NALF1: variants seen among roughly 807,000 people sequenced by gnomAD.
NALF1 encodes the protein family with sequence similarity 155 member A.
A neutral mutation model predicts 48.4 loss-of-function variants in NALF1; 3 were observed. That is an observed-to-expected ratio of 0.06 (90% CI 0.03 to 0.16). NALF1 has a LOEUF of 0.16. Ranked by LOEUF, NALF1 falls within the 10% of genes least tolerant of loss-of-function variation. The pLI is 1.00. For synonymous variants in NALF1, 262 were observed against 245.7 expected (o/e 1.07, Z -0.62); for missense variants, 526 against 571.5 (o/e 0.92, Z 0.81).
chr13:107,424,970 C>T (rs1056182614), intron 1 of NALF1, among the ~76,000 whole-genome samples: 19 of 152,176 alleles, frequency 1.2e-4, no homozygotes, highest in Non-Finnish European at 2.8e-4. Flanking sequence ...TTTCACTTGT[C>T]AGTCACAAAG....
chr13:107,584,589 C>T (rs1327706758), intron 1 of NALF1, among the ~76,000 whole-genome samples: 1 of 152,198 alleles, frequency 6.6e-6, no homozygotes, highest in Non-Finnish European at 1.5e-5. Flanking sequence ...AGATTATTCT[C>T]ATCCCTTATT....
intron 1 of NALF1, among the ~76,000 whole-genome samples, chr13:107,248,393 A>G (rs570438819): frequency 1.3e-5 from 2 of 152,100 alleles, no homozygotes; most frequent in Non-Finnish European, 2.9e-5. Context: ...TAGTTATCCA[A>G]CTGCTTATGG....
At chr13:107,255,670 A>G (rs1191035241) in intron 1 of NALF1, among the ~76,000 whole-genome samples, 1 of 152,236 alleles carries the variant, frequency 6.6e-6, no homozygotes, top group Non-Finnish European at 1.5e-5. Flanking sequence ...TATACATTAT[A>G]TACAGTATCT....
At position 107,865,800 on chromosome 13, in the gene NALF1, T is replaced by A. The variant is rs1221860728; in HGVS notation, c.797A>T (p.Glu266Val). 6.2e-7 allele frequency: 1 copy of A among 1,614,106 alleles called. No individual in the cohort carries two copies. The highest frequency in any genetic ancestry group is 2.2e-5 in the East Asian group (1 of 44,844). The change falls in exon 1 of 3, where the codon GAG becomes GTG. Residue 266 changes from glutamate (E) to valine (V), a missense_variant. Physicochemically the swap from Glu to Val is moderately radical, Grantham distance 121. Coordinates refer to ENST00000375915, the MANE Select transcript of NALF1 (RefSeq NM_001080396.3). ...ATGGTGGTCATAGTCCTGGTAAGCC[T>A]CGACGCACTGCCTGCAAGTGGTCAT... Reference protein sequence around the residue: ...GEMTTCRQCVEAYQDYDHHAQ... With the variant: ...GEMTTCRQCVVAYQDYDHHAQ...
intron 1 of NALF1, among the ~76,000 whole-genome samples, chr13:107,797,615 G>A (rs1032639162): frequency 1.3e-5 from 2 of 152,042 alleles, no homozygotes. Flanking sequence ...TGGGCACTGG[G>A]GCTTTATCAA....
intron 1 of NALF1, among the ~76,000 whole-genome samples, chr13:107,850,916 A>T (rs1880297083): frequency 6.6e-6 from 1 of 151,884 alleles, no homozygotes; most frequent in African/African-American, 2.4e-5. Context: ...AAAAAAAAGG[A>T]AAAGAAAAAG....
intron 1 of NALF1, among the ~76,000 whole-genome samples, chr13:107,717,906 GCT>G (rs1012434977): frequency 6.6e-6 from 1 of 152,060 alleles, no homozygotes; most frequent in Non-Finnish European, 1.5e-5. Context: ...GTAATTTTTA[GCT>G]CTTTCTTTTT....
At chr13:107,723,608 C>T (rs1876053757) in intron 1 of NALF1, among the ~76,000 whole-genome samples, 1 of 152,110 alleles carries the variant, frequency 6.6e-6, no homozygotes, top group South Asian at 2.1e-4. Context: ...ATATTGCAGG[C>T]CAGTGCATAC....
intron 1 of NALF1, among the ~76,000 whole-genome samples, chr13:107,418,552 C>A (rs1278790868): frequency 6.6e-6 from 1 of 151,754 alleles, no homozygotes; most frequent in Non-Finnish European, 1.5e-5. Context: ...TTCTTTTTTT[C>A]CCCCAACTTT....
At chr13:107,577,082 C>T (rs1337323099) in intron 1 of NALF1, among the ~76,000 whole-genome samples, 1 of 152,094 alleles carries the variant, frequency 6.6e-6, no homozygotes, top group African/African-American at 2.4e-5. Context: ...AGTGGGCAAA[C>T]CAGGCTGGCA....
chr13:107,224,135 A>C (rs1293269801), intron 1 of NALF1, among the ~76,000 whole-genome samples: 2 of 152,210 alleles, frequency 1.3e-5, no homozygotes, highest in South Asian at 4.1e-4. Context: ...ATTGGTGGTA[A>C]CATTGGAAGG....
intron 1 of NALF1, among the ~76,000 whole-genome samples, chr13:107,566,714 C>T (rs369802426): frequency 3.9e-5 from 6 of 152,298 alleles, no homozygotes; most frequent in East Asian, 1.9e-4. Context: ...TCCTTTCTAA[C>T]GAATGATTTT....
At chr13:107,304,968 T>C (rs768116596) in intron 1 of NALF1, among the ~76,000 whole-genome samples, 4 of 152,202 alleles carry the variant, frequency 2.6e-5, no homozygotes, top group Admixed American at 6.5e-5. Context: ...AAAATGACAA[T>C]AACCAAATGA....
chr13:107,391,515 T>C (rs1366903487), intron 1 of NALF1, among the ~76,000 whole-genome samples: 1 of 152,188 alleles, frequency 6.6e-6, no homozygotes, highest in African/African-American at 2.4e-5. Context: ...CCTTCCTTTC[T>C]TTCCAGATCC....
At chr13:107,463,320 T>C (rs760350936) in intron 1 of NALF1, among the ~76,000 whole-genome samples, 42 of 152,228 alleles carry the variant, frequency 2.8e-4, no homozygotes, top group Non-Finnish European at 4.4e-4. Flanking sequence ...CTATGTCTGT[T>C]AGACTCCAAG....
chr13:107,455,078 C>A (rs1225422832), intron 1 of NALF1, among the ~76,000 whole-genome samples: 2 of 152,080 alleles, frequency 1.3e-5, no homozygotes, highest in African/African-American at 4.8e-5. Flanking sequence ...TCAGTGAGTT[C>A]TTATGAGACC....
At chr13:107,215,965 GA>G (rs1879864841) in intron 1 of NALF1, among the ~76,000 whole-genome samples, 1 of 152,238 alleles carries the variant, frequency 6.6e-6, no homozygotes, top group South Asian at 2.1e-4. Flanking sequence ...TTAGCCTGCT[GA>G]AAAAATATCA....
At position 107,818,669 on chromosome 13, in the gene NALF1, G is replaced by T. The variant is rs994530969; in HGVS notation, c.915+47013C>A. 3.4e-5 allele frequency among the ~76,000 whole-genome samples: 5 copies of T among 148,650 alleles called. No homozygotes were observed. In the South Asian group the frequency reaches 1.1e-3, roughly 32 times the overall value. On this transcript the variant is annotated intron_variant, in intron 1 of 2. Transcript: ENST00000375915. ...GGGCGGATCACGAGGTCAGGAGATCGAGACCATCCTGGCTAACACGGTGAA... is the reference window on the plus strand; with the variant it reads ...GGGCGGATCACGAGGTCAGGAGATCTAGACCATCCTGGCTAACACGGTGAA...
At chr13:107,328,577 T>C (rs368016429) in intron 1 of NALF1, among the ~76,000 whole-genome samples, 1 of 152,170 alleles carries the variant, frequency 6.6e-6, no homozygotes, top group East Asian at 1.9e-4. Context: ...TTCTCTGCTC[T>C]CCTCTCTCTC....
Sources: gnomAD v4.1 joint callset for allele counts (sites outside exome capture counted in the v4.1 genomes callset) on GRCh38, gnomAD v4.1.1 for gene constraint, MANE v1.5 for transcripts, NCBI Gene and HGNC (gene_info 2026-07-23, HGNC 2026-07-21) for gene names.